The following CHMP4C variants were observed in gnomAD, a reference collection of about 807,000 sequenced individuals.
CHMP4C encodes charged multivesicular body protein 4C.
CHMP4C carries 28 observed loss-of-function variants against 29.0 expected under a neutral mutation model. That is an observed-to-expected ratio of 0.97 (90% CI 0.72 to 1.32). The LOEUF (loss-of-function observed/expected upper bound fraction) is 1.32, where lower values mean the gene tolerates loss of function less well. Ranked by LOEUF, CHMP4C falls within the 40% of genes most tolerant of loss-of-function variation. CHMP4C has a pLI of 0.00. For missense variants in CHMP4C, 291 were observed against 281.0 expected (o/e 1.04, Z -0.25); for synonymous variants, 106 against 102.4 (o/e 1.04, Z -0.21).
chr8:81,757,990 G>C, intron 3 of CHMP4C, 152 bp from the exon 4 acceptor site: 1 of 691,116 alleles, frequency 1.4e-6, no homozygotes, highest in South Asian at 2.0e-5. Flanking sequence ...TCATTGCTCA[G>C]TGTTGCAAAA....
At chr8:81,754,892 G>C (rs1281221708) in intron 2 of CHMP4C, among the ~76,000 whole-genome samples, 2 of 152,104 alleles carry the variant, frequency 1.3e-5, no homozygotes, top group East Asian at 3.9e-4. Flanking sequence ...CAGGATTTCA[G>C]AGCTGCTAAG....
At chr8:81,750,677 G>T (rs897584820) in intron 1 of CHMP4C, among the ~76,000 whole-genome samples, 12 of 151,894 alleles carry the variant, frequency 7.9e-5, no homozygotes, top group African/African-American at 2.9e-4. Flanking sequence ...TCAAAAGAGA[G>T]AAAACAGAAT....
chr8:81,755,519 G>T lies in CHMP4C; in HGVS notation c.483+35G>T, dbSNP rs752058231. On this transcript the variant is annotated intron_variant, in intron 3 of 4. Transcript: ENST00000297265. ...CCAATATGAAGAATGCAGGATTGTGGCTGCTATAAAGAGTAGCTTCCTGTC... is the reference window on the plus strand; with the variant it reads ...CCAATATGAAGAATGCAGGATTGTGTCTGCTATAAAGAGTAGCTTCCTGTC... The T allele has an allele frequency of 9.3e-6, 12 of 1,291,080 alleles. No homozygotes were observed. In the African/African-American group the frequency reaches 1.3e-4, roughly 14 times the overall value. 80.0% of individuals were successfully genotyped at this position (1,291,080 alleles called of 1,614,324 possible).
At chr8:81,738,099 C>T (rs1412601595) in intron 1 of CHMP4C, among the ~76,000 whole-genome samples, 2 of 152,148 alleles carry the variant, frequency 1.3e-5, no homozygotes, top group African/African-American at 4.8e-5. Flanking sequence ...AGAGTGAGTG[C>T]CTCCTTGCAG....
chr8:81,732,888 C>T (rs1808637476), intron 1 of CHMP4C, 72 bp downstream of exon 1: 17 of 1,440,010 alleles, frequency 1.2e-5, no homozygotes, highest in Non-Finnish European at 1.4e-5. Context: ...AATCGGCCCA[C>T]ACCACTGAGG....
chr8:81,744,907 A>G (rs763059837), intron 1 of CHMP4C, among the ~76,000 whole-genome samples: 144 of 152,346 alleles, frequency 9.5e-4, no homozygotes, highest in Non-Finnish European at 6.3e-4. Context: ...TTTTAAAAGT[A>G]AAGACGTTCA....
chr8:81,750,348 T>C (rs1585945941), intron 1 of CHMP4C, among the ~76,000 whole-genome samples: 1 of 151,718 alleles, frequency 6.6e-6, no homozygotes, highest in Non-Finnish European at 1.5e-5. Context: ...ACCGGCAATC[T>C]CAGTACTTTG....
intron 2 of CHMP4C, 137 bp downstream of exon 2, chr8:81,753,378 A>G: frequency 1.9e-6 from 1 of 513,962 alleles, no homozygotes; most frequent in Non-Finnish European, 3.2e-6. Flanking sequence ...ATACTGTCTC[A>G]GAGAAAGATT....
rs1483654213 is a variant in CHMP4C, at chr8:81,758,685, A to G, written c.*141A>G. 1 of 653,046 alleles carries G rather than the reference A, an allele frequency of 1.5e-6. No individual in the cohort carries two copies. Among genetic ancestry groups the G allele is most frequent in the African/African-American group, 1.8e-5 (1 of 54,608 alleles). 40.5% of individuals were successfully genotyped at this position (653,046 alleles called of 1,614,324 possible). On this transcript the variant is annotated 3_prime_UTR_variant, in exon 5 of 5. Coordinates refer to ENST00000297265, the MANE Select transcript of CHMP4C (RefSeq NM_152284.4). ...ATTGTGTTTTAAGCCTCCTAAGTAAAAGTAAAAAAGGAGTCATGTGCATAC... is the reference window on the plus strand; with the variant it reads ...ATTGTGTTTTAAGCCTCCTAAGTAAGAGTAAAAAAGGAGTCATGTGCATAC...
At chr8:81,741,129 T>C (rs1482363084) in intron 1 of CHMP4C, among the ~76,000 whole-genome samples, 3 of 152,226 alleles carry the variant, frequency 2.0e-5, no homozygotes, top group African/African-American at 4.8e-5. Context: ...AGAAGAGCAA[T>C]TGCTACTGTT....
chr8:81,758,220 G>A lies in CHMP4C; in HGVS notation c.562G>A (p.Val188Met). The change falls in exon 4 of 5, where the codon GTG (valine) becomes ATG (methionine). Residue 188 changes from valine (V) to methionine (M), a missense_variant. Coordinates refer to ENST00000297265, the MANE Select transcript of CHMP4C (RefSeq NM_152284.4). ...GATGACAAATATCCGCCTTCCAAATGTGCCTTCCTCTTCTCTCCCAGCACA... is the reference window on the plus strand; with the variant it reads ...GATGACAAATATCCGCCTTCCAAATATGCCTTCCTCTTCTCTCCCAGCACA... ...KKMTNIRLPN[V>M]PSSSLPAQPN... is the part of the protein sequence containing the mutation. The A allele has an allele frequency of 6.2e-7, 1 of 1,613,898 alleles. No individual in the cohort carries two copies. The highest frequency in any genetic ancestry group is 1.3e-5 in the African/African-American group (1 of 75,012).
chr8:81,757,283 C>T (rs1179399279), intron 3 of CHMP4C, among the ~76,000 whole-genome samples: 3 of 152,108 alleles, frequency 2.0e-5, no homozygotes, highest in Non-Finnish European at 2.9e-5. Flanking sequence ...TTCTCTCATT[C>T]GTTATTCATC....
At chr8:81,738,323 G>A (rs1189831204) in intron 1 of CHMP4C, among the ~76,000 whole-genome samples, 1 of 152,190 alleles carries the variant, frequency 6.6e-6, no homozygotes, top group Non-Finnish European at 1.5e-5. Flanking sequence ...AGTGAAAACT[G>A]GGTTCAGAAG....
Position 81,753,065 on chromosome 8 carries a change from T to A in CHMP4C, c.192T>A (p.Ala64=). The change falls in exon 2 of 5, where the codon GCT becomes GCA. Residue 64 remains alanine, a splice_region_variant and synonymous_variant. Coordinates refer to ENST00000297265, the MANE Select transcript of CHMP4C (RefSeq NM_152284.4). ...AAATGTGGCTTCTCTCTTATTTAGC[T>A]GCATTACAGGCACTAAAGAGAAAGA... ...AKKHGTQNKR[A]ALQALKRKKR... 1 of 1,597,070 alleles carries A rather than the reference T, an allele frequency of 6.3e-7. No homozygotes were observed. The highest frequency in any genetic ancestry group is 8.5e-7 in the Non-Finnish European group (1 of 1,174,014).
rs561829955 is a variant in CHMP4C, at chr8:81,753,392, G to T, written c.368+151G>T. 139 of 465,300 alleles carry T rather than the reference G, an allele frequency of 3.0e-4. 2 individuals carry two copies. In the South Asian group the frequency reaches 8.1e-3, roughly 27 times the overall value. The allele number at this position is 465,300 out of a possible 1,614,324, so 28.8% of individuals were successfully genotyped here. On this transcript the variant is annotated intron_variant, in intron 2 of 4. Coordinates refer to ENST00000297265, the MANE Select transcript of CHMP4C (RefSeq NM_152284.4). Reference sequence around the variant, plus strand: ...AATACTGTCTCAGAGAAAGATTAAAGGTTATAGCAACAACAACAAAAAAGA... The same window carrying T: ...AATACTGTCTCAGAGAAAGATTAAATGTTATAGCAACAACAACAAAAAAGA...
At chr8:81,755,837 A>G (rs1466457991) in intron 3 of CHMP4C, among the ~76,000 whole-genome samples, 1 of 152,174 alleles carries the variant, frequency 6.6e-6, no homozygotes, top group African/African-American at 2.4e-5. Context: ...CATGAAACAG[A>G]CGTATCATGC....
Position 81,755,422 on chromosome 8 carries a change from A to G in CHMP4C, c.421A>G (p.Ile141Val), listed in dbSNP as rs1808959722. The G allele has an allele frequency of 3.1e-6, 5 of 1,612,682 alleles. No homozygotes were observed. Among genetic ancestry groups the G allele is most frequent in the Non-Finnish European group, 4.2e-6 (5 of 1,178,946 alleles). The change falls in exon 3 of 5, where the codon ATC becomes GTC. Residue 141 changes from isoleucine (I) to valine (V), a missense_variant. Physicochemically the swap from Ile to Val is conservative, Grantham distance 29. Coordinates refer to ENST00000297265, the MANE Select transcript of CHMP4C (RefSeq NM_152284.4). ...GCAAGAGATCACAGAGCAACAGGAT[A>G]TCGCCCAAGAAATCTCAGAAGCATT... ...LMQEITEQQD[I>V]AQEISEAFSQ...
At chr8:81,733,211 A>C in intron 1 of CHMP4C, among the ~76,000 whole-genome samples, 1 of 152,224 alleles carries the variant, frequency 6.6e-6, no homozygotes, top group Middle Eastern at 3.4e-3. Context: ...ATTATTTTTT[A>C]TAATGTGATG....
chr8:81,740,447 C>T (rs1025583948), intron 1 of CHMP4C, among the ~76,000 whole-genome samples: 2 of 152,170 alleles, frequency 1.3e-5, no homozygotes, highest in African/African-American at 4.8e-5. Flanking sequence ...CAGGAGATGG[C>T]GCTCAGGTGG....
Sources: gnomAD v4.1 joint callset for allele counts (sites outside exome capture counted in the v4.1 genomes callset) on GRCh38, gnomAD v4.1.1 for gene constraint, MANE v1.5 for transcripts, NCBI Gene and HGNC (gene_info 2026-07-23, HGNC 2026-07-21) for gene names.